Variants in KLRG1 observed in about 807,000 individuals in gnomAD.
KLRG1 encodes the protein killer cell lectin-like receptor subfamily G member 1.
KLRG1 carries 16 observed loss-of-function variants against 21.8 expected under a neutral mutation model. The observed-to-expected ratio is 0.73, with a 90% CI of 0.50 to 1.11. KLRG1 has a LOEUF of 1.11. Ranked by LOEUF, KLRG1 falls within the 50% of genes most tolerant of loss-of-function variation. KLRG1 has a pLI of 0.00. For missense variants in KLRG1, 173 were observed against 218.3 expected (o/e 0.79, Z 1.31); for synonymous variants, 69 against 75.9 (o/e 0.91, Z 0.47).
chr12:9,040,097 A>T, the KLRG1 span, among the ~76,000 whole-genome samples: 1 of 152,242 alleles, frequency 6.6e-6, no homozygotes, highest in African/African-American at 2.4e-5. Context: ...GCACTCAATT[A>T]TAGGAAAGTA....
chr12:9,167,618 C>G, the KLRG1 span: 2 of 152,152 alleles, frequency 1.3e-5, no homozygotes, highest in Non-Finnish European at 2.9e-5. Context: ...AAGTTCTTAT[C>G]AAGAAATTTC....
chr12:9,181,120 A>T, the KLRG1 span: 1 of 1,614,096 alleles, frequency 6.2e-7, no homozygotes, highest in Non-Finnish European at 8.5e-7. Flanking sequence ...GCTGGGCTGA[A>T]GCTCAAATCC....
chr12:8,952,182 A>T (rs1187256881), intron 1 of KLRG1, among the ~76,000 whole-genome samples: 1 of 152,228 alleles, frequency 6.6e-6, no homozygotes, highest in Non-Finnish European at 1.5e-5. Context: ...CTTCTCTCAC[A>T]CAAGGTAAAT....
chr12:9,089,433 A>C, the KLRG1 span, among the ~76,000 whole-genome samples: 1 of 152,172 alleles, frequency 6.6e-6, no homozygotes, highest in Non-Finnish European at 1.5e-5. Context: ...AAATGAAGGA[A>C]AAATTAAGAA....
At chr12:9,123,467 A>T in the KLRG1 span, among the ~76,000 whole-genome samples, 2 of 146,124 alleles carry the variant, frequency 1.4e-5, no homozygotes, top group Non-Finnish European at 3.1e-5. Context: ...GGTGGGGGTT[A>T]GGGGGAATAA....
Position 9,009,608 on chromosome 12 carries a change from G to A in KLRG1, c.*71G>A. ...AAAAGGAGGGAGCTGGCCACTGGCTGTTGGGAAAGCCATGAGTATATAGTT... is the reference window on the plus strand; with the variant it reads ...AAAAGGAGGGAGCTGGCCACTGGCTATTGGGAAAGCCATGAGTATATAGTT... On this transcript the variant is annotated 3_prime_UTR_variant, in exon 5 of 5. Transcript: ENST00000356986. The A allele has an allele frequency of 6.3e-7, 1 of 1,578,248 alleles. No individual in the cohort carries two copies. The highest frequency in any genetic ancestry group is 2.3e-5 in the East Asian group (1 of 43,820).
the KLRG1 span, among the ~76,000 whole-genome samples, chr12:9,193,028 C>G: frequency 1.3e-5 from 2 of 152,148 alleles, no homozygotes; most frequent in Non-Finnish European, 2.9e-5. Flanking sequence ...TGATAAATAA[C>G]TCAAACAAGT....
At chr12:8,981,136 T>A (rs1946748192) in intron 1 of KLRG1, among the ~76,000 whole-genome samples, 1 of 152,222 alleles carries the variant, frequency 6.6e-6, no homozygotes, top group South Asian at 2.1e-4. Context: ...GACTGGTACA[T>A]CCTAGTCTGC....
the KLRG1 span, chr12:9,203,990 G>T: frequency 3.3e-6 from 5 of 1,526,308 alleles, no homozygotes; most frequent in Non-Finnish European, 4.5e-6. Context: ...AAAAACTGAT[G>T]ATAGTAAGCG....
chr12:9,037,304 T>C, the KLRG1 span: 4 of 153,076 alleles, frequency 2.6e-5, no homozygotes, highest in Non-Finnish European at 4.4e-5. Flanking sequence ...TTCATTGTGA[T>C]CAGCAGGCTC....
chr12:9,026,356 C>G, the KLRG1 span, among the ~76,000 whole-genome samples: 1 of 152,144 alleles, frequency 6.6e-6, no homozygotes, highest in Non-Finnish European at 1.5e-5. Context: ...GAGCCAAAAA[C>G]GTATGCCAAA....
At chr12:9,081,902 C>A in the KLRG1 span, among the ~76,000 whole-genome samples, 1 of 152,328 alleles carries the variant, frequency 6.6e-6, no homozygotes, top group African/African-American at 2.4e-5. Context: ...AGCTATGGCA[C>A]CCATTCAGAG....
chr12:9,142,294 A>G, the KLRG1 span, among the ~76,000 whole-genome samples: 1 of 152,220 alleles, frequency 6.6e-6, no homozygotes, highest in South Asian at 2.1e-4. Flanking sequence ...TATTAAACCA[A>G]TATTAATGTT....
the KLRG1 span, chr12:9,157,435 G>T: frequency 7.5e-7 from 1 of 1,333,092 alleles, no homozygotes; most frequent in Non-Finnish European, 1.0e-6. Context: ...TTGACAGTCA[G>T]ATGTTATTAA....
intron 1 of KLRG1, among the ~76,000 whole-genome samples, chr12:8,965,066 A>G (rs1171793357): frequency 6.6e-6 from 1 of 152,212 alleles, no homozygotes; most frequent in Non-Finnish European, 1.5e-5. Context: ...CAATATATAA[A>G]CAGAACCAAA....
At chr12:9,201,690 T>G in the KLRG1 span, among the ~76,000 whole-genome samples, 544 of 152,214 alleles carry the variant, frequency 3.6e-3, 4 homozygotes, top group Admixed American at 8.0e-3. Context: ...GAAATAGATA[T>G]TAATAGAGTT....
chr12:9,054,826 TG>T, the KLRG1 span, among the ~76,000 whole-genome samples: 1 of 152,236 alleles, frequency 6.6e-6, no homozygotes, highest in Non-Finnish European at 1.5e-5. Flanking sequence ...ACATCCAAAG[TG>T]TTCCAAAATC....
the KLRG1 span, among the ~76,000 whole-genome samples, chr12:9,124,559 C>A: frequency 6.6e-6 from 1 of 152,262 alleles, no homozygotes; most frequent in Non-Finnish European, 1.5e-5. Flanking sequence ...AGCGGGAGAC[C>A]TGCCCATTCC....
chr12:9,203,337 C>CTTT, the KLRG1 span, among the ~76,000 whole-genome samples: 89 of 114,584 alleles, frequency 7.8e-4, no homozygotes, highest in Middle Eastern at 5.2e-3. Flanking sequence ...AACTACATTC[C>CTTT]TTTTTTTTTT....
Sources: gnomAD v4.1 joint callset for allele counts (sites outside exome capture counted in the v4.1 genomes callset) on GRCh38, gnomAD v4.1.1 for gene constraint, MANE v1.5 for transcripts, NCBI Gene and HGNC (gene_info 2026-07-23, HGNC 2026-07-21) for gene names.